Variants in GMDS observed in about 807,000 individuals in gnomAD.
The protein encoded by GMDS is GDP-mannose 4,6 dehydratase.
GMDS carries 20 observed loss-of-function variants against 49.9 expected under a neutral mutation model. That is an observed-to-expected ratio of 0.40 (90% confidence interval 0.28 to 0.58). The LOEUF is 0.58. Among genes scored for constraint, GMDS ranks in the 20% least tolerant of loss-of-function variants. GMDS has a pLI of 0.42. For missense variants in GMDS, 362 were observed against 481.4 expected (o/e 0.75, Z 2.32); for synonymous variants, 177 against 178.6 (o/e 0.99, Z 0.07).
At chr6:2,123,000 C>A (rs1337297143) in intron 2 of GMDS, among the ~76,000 whole-genome samples, 1 of 152,238 alleles carries the variant, frequency 6.6e-6, no homozygotes, top group African/African-American at 2.4e-5. Flanking sequence ...ACAAAAACAT[C>A]TGCAGCTTAT....
chr6:1,681,861 A>T (rs777641315), intron 9 of GMDS, among the ~76,000 whole-genome samples: 8 of 152,138 alleles, frequency 5.3e-5, no homozygotes, highest in Non-Finnish European at 1.0e-4. Flanking sequence ...GTGTGCGGCT[A>T]ATTTTTGTAT....
chr6:1,955,386 T>C (rs1763574999), intron 6 of GMDS, among the ~76,000 whole-genome samples: 2 of 152,238 alleles, frequency 1.3e-5, no homozygotes, highest in Admixed American at 6.5e-5. Context: ...TTAATGTCTG[T>C]GAATATCAGT....
At chr6:2,141,099 GA>G (rs1228498516) in intron 1 of GMDS, among the ~76,000 whole-genome samples, 1 of 152,184 alleles carries the variant, frequency 6.6e-6, no homozygotes, top group Non-Finnish European at 1.5e-5. Context: ...TCAAGTAAAC[GA>G]AAGGCTAAAA....
intron 4 of GMDS, among the ~76,000 whole-genome samples, chr6:2,084,436 A>G (rs1411525080): frequency 6.6e-6 from 1 of 152,208 alleles, no homozygotes; most frequent in African/African-American, 2.4e-5. Context: ...AATAGCTCCC[A>G]GATTCTAGAT....
intron 1 of GMDS, among the ~76,000 whole-genome samples, chr6:2,128,984 C>T (rs1775593885): frequency 6.6e-6 from 1 of 152,172 alleles, no homozygotes; most frequent in African/African-American, 2.4e-5. Flanking sequence ...GGGCAGGGCA[C>T]CAGGGTCCCA....
intron 1 of GMDS, among the ~76,000 whole-genome samples, chr6:2,145,435 A>AGCTGAG (rs1776504906): frequency 6.6e-6 from 1 of 151,736 alleles, no homozygotes; most frequent in Admixed American, 6.6e-5. Flanking sequence ...CTACTCGGGA[A>AGCTGAG]GCTGAGGCAG....
chr6:1,917,471 G>T (rs1362844751), intron 7 of GMDS, among the ~76,000 whole-genome samples: 1 of 152,206 alleles, frequency 6.6e-6, no homozygotes, highest in Admixed American at 6.5e-5. Context: ...CAAATACAAA[G>T]ATGTAAATGA....
intron 8 of GMDS, among the ~76,000 whole-genome samples, chr6:1,730,795 C>T (rs1561763950): frequency 6.6e-6 from 1 of 152,082 alleles, no homozygotes; most frequent in Non-Finnish European, 1.5e-5. Context: ...ACTATGCTCT[C>T]AAAACTCACA....
intron 1 of GMDS, among the ~76,000 whole-genome samples, chr6:2,162,662 A>ACG (rs1777460824): frequency 3.8e-5 from 1 of 26,094 alleles, no homozygotes; most frequent in Admixed American, 6.6e-4. Flanking sequence ...ACATTCCAAC[A>ACG]CACACACACA....
intron 1 of GMDS, among the ~76,000 whole-genome samples, chr6:2,159,818 A>AT (rs1270686472): frequency 5.9e-5 from 9 of 151,650 alleles, no homozygotes; most frequent in Non-Finnish European, 1.5e-5. Flanking sequence ...CACCCGGCCA[A>AT]TTTTTTCAAT....
chr6:2,244,804 T>C (rs1440841483), intron 1 of GMDS, among the ~76,000 whole-genome samples: 1 of 152,192 alleles, frequency 6.6e-6, no homozygotes, highest in Admixed American at 6.5e-5. Context: ...AGCATTACTT[T>C]CTTTCATGTT....
chr6:2,001,757 C>T (rs1288610162), intron 4 of GMDS, among the ~76,000 whole-genome samples: 2 of 152,102 alleles, frequency 1.3e-5, no homozygotes, highest in African/African-American at 2.4e-5. Flanking sequence ...CGACTGATTT[C>T]GACAAGAGTT....
At chr6:2,006,022 C>A (rs960804515) in intron 4 of GMDS, among the ~76,000 whole-genome samples, 1 of 152,070 alleles carries the variant, frequency 6.6e-6, no homozygotes, top group African/African-American at 2.4e-5. Context: ...CTAATGACCT[C>A]CAAATCCTCA....
intron 9 of GMDS, among the ~76,000 whole-genome samples, chr6:1,691,848 G>GT (rs1581465210): frequency 6.6e-6 from 1 of 152,138 alleles, no homozygotes. Flanking sequence ...CCTCAGTGCA[G>GT]TTTTTTTCAT....
intron 1 of GMDS, among the ~76,000 whole-genome samples, chr6:2,205,890 A>G (rs1257343093): frequency 1.3e-5 from 2 of 152,104 alleles, no homozygotes; most frequent in Non-Finnish European, 2.9e-5. Flanking sequence ...CTGTTTCATG[A>G]TAAGTCAGTT....
chr6:2,227,106 C>T (rs1448323074), intron 1 of GMDS, among the ~76,000 whole-genome samples: 2 of 152,066 alleles, frequency 1.3e-5, no homozygotes, highest in East Asian at 1.9e-4. Flanking sequence ...ACTTTATATC[C>T]TCCTATACTT....
At chr6:2,234,803 G>A (rs1196549333) in intron 1 of GMDS, among the ~76,000 whole-genome samples, 3 of 152,144 alleles carry the variant, frequency 2.0e-5, no homozygotes, top group African/African-American at 7.2e-5. Flanking sequence ...AAAAGAGAAA[G>A]CATTGAAATT....
chr6:1,715,097 C>T (rs1031980148), intron 9 of GMDS, among the ~76,000 whole-genome samples: 7 of 152,104 alleles, frequency 4.6e-5, no homozygotes, highest in Non-Finnish European at 7.4e-5. Context: ...TCAGCAGAAA[C>T]ATAAGGAGAC....
chr6:2,017,612 A>C (rs761265760), intron 4 of GMDS, among the ~76,000 whole-genome samples: 1 of 152,118 alleles, frequency 6.6e-6, no homozygotes, highest in Non-Finnish European at 1.5e-5. Context: ...TCCAGCCCAC[A>C]ATTGACCCTT....
Sources: allele counts gnomAD v4.1 joint callset (sites outside exome capture counted in the v4.1 genomes callset), GRCh38; gene constraint gnomAD v4.1.1; transcripts MANE v1.5; gene names NCBI Gene and HGNC (gene_info 2026-07-23, HGNC 2026-07-21).